Variants in ZNF469 observed in about 807,000 individuals in gnomAD.
The protein encoded by ZNF469 is zinc finger protein 469.
In ZNF469, 1 loss-of-function variant was observed where a neutral mutation model predicts 1.0. The observed-to-expected ratio is 1.00, with a 90% confidence interval of 0.35 to 4.73. The LOEUF is 4.73. ZNF469 is among the 30% of genes most tolerant of loss of function. The pLI, the probability that ZNF469 is intolerant of heterozygous loss-of-function variation, is 0.16. For missense variants in ZNF469, 6,100 were observed against 5,356.3 expected (o/e 1.14, Z -4.33); for synonymous variants, 2,703 against 2,363.4 (o/e 1.14, Z -4.17).
chr16:88,435,316 C>T lies in ZNF469; in HGVS notation c.7846C>T (p.Arg2616Cys), dbSNP rs1315180615. The T allele has an allele frequency of 5.8e-6, 9 of 1,550,130 alleles. No individual in the cohort carries two copies. The highest frequency in any genetic ancestry group is 2.7e-5 in the African/African-American group (2 of 73,014). Residue 2616 changes from arginine (R) to cysteine (C), a missense_variant, in exon 3 of 3, where the codon CGC becomes TGC. Physicochemically the swap from Arg to Cys is radical, Grantham distance 180 (BLOSUM62 -3). Transcript: ENST00000565624. Reference protein sequence around the residue: ...QAEKREGRRWRREPTVDSPSH... With the variant: ...QAEKREGRRWCREPTVDSPSH... ...AGAAAAAAGAGAAGGCCGGAGGTGG[C>T]GCCGAGAGCCCACCGTGGACTCTCC...
rs973718405 is a variant in ZNF469 at position 88,433,727 on chromosome 16, G to T, written c.6257G>T (p.Arg2086Met). ...RSGSEGRTPERASSPGLNKPL... is the reference protein window; with the variant it reads ...RSGSEGRTPEMASSPGLNKPL... Reference sequence around the variant, plus strand: ...GGATCTGAGGGCCGGACTCCAGAGAGGGCGTCCAGCCCCGGCCTGAACAAG... The same window carrying T: ...GGATCTGAGGGCCGGACTCCAGAGATGGCGTCCAGCCCCGGCCTGAACAAG... Residue 2086 changes from arginine (R) to methionine (M), a missense_variant, in exon 3 of 3, where the codon AGG becomes ATG. Transcript: ENST00000565624. The T allele has an allele frequency of 1.3e-6, 2 of 1,548,802 alleles. No homozygotes were observed. Among genetic ancestry groups the T allele is most frequent in the Non-Finnish European group, 1.7e-6 (2 of 1,146,732 alleles).
At chr16:88,308,000 G>C in the ZNF469 span, among the ~76,000 whole-genome samples, 1 of 152,184 alleles carries the variant, frequency 6.6e-6, no homozygotes, top group South Asian at 2.1e-4. Flanking sequence ...TACTTTTGGA[G>C]TTCACATTGT....
chr16:88,308,122 C>G, the ZNF469 span, among the ~76,000 whole-genome samples: 1 of 152,198 alleles, frequency 6.6e-6, no homozygotes, highest in African/African-American at 2.4e-5. Context: ...CCTTGGTGCC[C>G]TTGTTGGAAA....
the ZNF469 span, among the ~76,000 whole-genome samples, chr16:88,118,346 T>C: frequency 6.6e-6 from 1 of 152,050 alleles, no homozygotes; most frequent in African/African-American, 2.4e-5. Flanking sequence ...GCCTTTTGAG[T>C]TTTTTCACGG....
At chr16:88,258,248 T>A in the ZNF469 span, among the ~76,000 whole-genome samples, 5 of 152,278 alleles carry the variant, frequency 3.3e-5, no homozygotes, top group South Asian at 1.0e-3. Context: ...AGCCACTATG[T>A]TCTAACTTTG....
At chr16:88,361,126 C>T in the ZNF469 span, among the ~76,000 whole-genome samples, 1 of 152,170 alleles carries the variant, frequency 6.6e-6, no homozygotes, top group Non-Finnish European at 1.5e-5. Context: ...GCATTAGATT[C>T]TCATAAGGAG....
At chr16:88,412,466 A>T (rs1447621493) in intron 1 of ZNF469, among the ~76,000 whole-genome samples, 4 of 152,178 alleles carry the variant, frequency 2.6e-5, no homozygotes, top group Middle Eastern at 3.2e-3. Flanking sequence ...GGAGTTCATG[A>T]GGTCTTTGCC....
At chr16:88,162,677 C>CA in the ZNF469 span, among the ~76,000 whole-genome samples, 4 of 151,162 alleles carry the variant, frequency 2.6e-5, no homozygotes, top group Non-Finnish European at 5.9e-5. Flanking sequence ...AGTGCCCCCC[C>CA]CCTTTTATTC....
At chr16:88,350,398 C>T in the ZNF469 span, among the ~76,000 whole-genome samples, 1 of 152,278 alleles carries the variant, frequency 6.6e-6, no homozygotes, top group Non-Finnish European at 1.5e-5. Context: ...GCACCCACCT[C>T]CCTTGGCCAG....
In ZNF469 at chr16:88,436,686, C is replaced by T. The variant is rs759853163; in HGVS notation, c.9216C>T (p.Gly3072=). 1.3e-6 allele frequency: 2 copies of T among 1,550,244 alleles called. No homozygotes were observed. Among genetic ancestry groups the T allele is most frequent in the South Asian group, 2.4e-5 (2 of 84,068 alleles). The change falls in exon 3 of 3, where the codon GGC becomes GGT. Residue 3072 remains glycine, a synonymous_variant. Transcript: ENST00000565624. ...TTGAAGACCCCGTGGGTCTCCCCGG[C>T]CCCAGCTTCTTAGACTTCGAGGGCA... is the stretch of plus-strand genomic sequence containing the variant. ...GPFEDPVGLP[G]PSFLDFEGTA...
the ZNF469 span, among the ~76,000 whole-genome samples, chr16:88,140,473 A>AGCCACGTAGAAATCGG: frequency 6.6e-6 from 1 of 151,240 alleles, no homozygotes; most frequent in African/African-American, 2.5e-5. Context: ...GGTAGCACGG[A>AGCCACGTAGAAATCGG]AAGTCAGTGA....
chr16:88,335,036 C>T, the ZNF469 span, among the ~76,000 whole-genome samples: 1 of 152,210 alleles, frequency 6.6e-6, no homozygotes, highest in Admixed American at 6.5e-5. Flanking sequence ...GACAGGGGAG[C>T]CATGCAGCCA....
At chr16:88,200,525 C>A in the ZNF469 span, among the ~76,000 whole-genome samples, 2 of 152,234 alleles carry the variant, frequency 1.3e-5, no homozygotes, top group African/African-American at 2.4e-5. Context: ...GAGCTGTCTT[C>A]CCCGGAGGCC....
At chr16:88,121,871 G>C in the ZNF469 span, among the ~76,000 whole-genome samples, 30 of 152,350 alleles carry the variant, frequency 2.0e-4, 1 homozygote, top group Admixed American at 8.5e-4. Flanking sequence ...CTGGCCACTA[G>C]AACAGAGGCT....
chr16:88,378,744 C>G (rs1158951938), upstream of ZNF469, among the ~76,000 whole-genome samples: 1 of 152,222 alleles, frequency 6.6e-6, no homozygotes, highest in Admixed American at 6.5e-5. Flanking sequence ...GGGATGGGCT[C>G]TTTGCATCCT....
the ZNF469 span, among the ~76,000 whole-genome samples, chr16:88,237,082 G>A: frequency 6.7e-6 from 1 of 149,788 alleles, no homozygotes; most frequent in Non-Finnish European, 1.5e-5. Flanking sequence ...ATGAATCATG[G>A]CACACGATCC....
rs750481489 is a variant in ZNF469, at chr16:88,438,232, G to C, written c.10762G>C (p.Gly3588Arg). The C allele has an allele frequency of 6.5e-7, 1 of 1,547,176 alleles. No homozygotes were observed. The highest frequency in any genetic ancestry group is 8.7e-7 in the Non-Finnish European group (1 of 1,144,900). The change falls in exon 3 of 3, where the codon GGG becomes CGG. Residue 3588 changes from glycine (G) to arginine (R), a missense_variant. Gly to Arg is a moderately radical substitution (Grantham distance 125). Coordinates refer to ENST00000565624, the MANE Select transcript of ZNF469 (RefSeq NM_001367624.2). Reference protein sequence around the residue: ...PENEASPGSPGPLLQQALPLG... With the variant: ...PENEASPGSPRPLLQQALPLG... ...GAACGAGGCTTCCCCAGGCAGCCCC[G>C]GGCCTCTTCTCCAGCAAGCTCTCCC...
At chr16:88,193,163 TGGTGGTGGG>T in the ZNF469 span, among the ~76,000 whole-genome samples, 1 of 12,966 alleles carries the variant, frequency 7.7e-5, no homozygotes, top group South Asian at 3.5e-3. Flanking sequence ...ATGGTGGTGA[TGGTGGTGGG>T]GATGGTGGTG....
At chr16:88,164,309 G>C in the ZNF469 span, among the ~76,000 whole-genome samples, 1 of 151,608 alleles carries the variant, frequency 6.6e-6, no homozygotes, top group African/African-American at 2.4e-5. Flanking sequence ...GTGGATGGAT[G>C]CAGGGATGAT....
Sources: gnomAD v4.1 joint callset for allele counts (sites outside exome capture counted in the v4.1 genomes callset) on GRCh38, gnomAD v4.1.1 for gene constraint, MANE v1.5 for transcripts, NCBI Gene and HGNC (gene_info 2026-07-23, HGNC 2026-07-21) for gene names.